Variants in RYK observed in about 807,000 individuals in gnomAD.
RYK encodes receptor like tyrosine kinase, also known as inactive tyrosine-protein kinase RYK.
RYK carries 21 observed loss-of-function variants against 70.2 expected under a neutral mutation model. The ratio of observed to expected loss-of-function variants is 0.30; its 90% CI spans 0.21 to 0.43. RYK has a LOEUF of 0.43. Among genes scored for constraint, RYK ranks in the 20% least tolerant of loss-of-function variants. The probability of loss-of-function intolerance (pLI) is 1.00; values close to 1 mark genes in which losing one functional copy is unlikely to be tolerated. For synonymous variants in RYK, 267 were observed against 278.0 expected (o/e 0.96, Z 0.39); for missense variants, 604 against 753.3 (o/e 0.80, Z 2.32).
At chr3:134,249,925 T>G (rs13085089) in intron 1 of RYK, among the ~76,000 whole-genome samples, 38,955 of 135,498 alleles carry the variant, frequency 0.29, 6,515 homozygotes, top group Middle Eastern at 0.41. Flanking sequence ...TCGTTTTTTT[T>G]TTTTTTTTTT....
At chr3:134,236,304 G>T (rs2015199398) in intron 1 of RYK, among the ~76,000 whole-genome samples, 1 of 151,994 alleles carries the variant, frequency 6.6e-6, no homozygotes, top group Non-Finnish European at 1.5e-5. Context: ...ATAAGAGCTG[G>T]TCCCTCAATG....
At chr3:134,194,786 C>A (rs1230138497) in intron 7 of RYK, among the ~76,000 whole-genome samples, 3 of 152,178 alleles carry the variant, frequency 2.0e-5, no homozygotes, top group Non-Finnish European at 4.4e-5. Flanking sequence ...CCTGAAAAAT[C>A]TTCCTTTTGA....
At chr3:134,250,316 G>A in intron 1 of RYK, 107 bp downstream of exon 1, 3 of 501,634 alleles carry the variant, frequency 6.0e-6, no homozygotes, top group Non-Finnish European at 6.1e-6. Flanking sequence ...CGGGGGGCGG[G>A]GAGGGTACTC....
Position 134,250,564 on chromosome 3 carries a change from G to A in RYK, c.91C>T (p.Leu31Phe), listed in dbSNP as rs2015590224. 1 of 1,089,550 alleles carries A rather than the reference G, an allele frequency of 9.2e-7. No individual in the cohort carries two copies. The highest frequency in any genetic ancestry group is 3.7e-5 in the East Asian group (1 of 26,784). 67.5% of individuals were successfully genotyped at this position (1,089,550 alleles called of 1,614,324 possible). ...AGCAGCGGCAACAGCGCAAGCAGAA[G>A]CAGCAGCGGCGGCGGCGGCGGGGCC... is the stretch of plus-strand genomic sequence containing the variant. ...LRAPPPPPLL[L>F]LLALLPLLPA... Residue 31 changes from leucine (L) to phenylalanine (F), a missense_variant, in exon 1 of 15, where the codon CTT (leucine) becomes TTT (phenylalanine). Physicochemically the swap from Leu to Phe is conservative, Grantham distance 22. Around this residue, in one of 2 missense-constraint regions of RYK, gnomAD observed 466 missense variants for 535.9 expected, o/e 0.87. Coordinates refer to ENST00000623711, the MANE Select transcript of RYK (RefSeq NM_002958.4).
At chr3:134,224,168 G>A (rs1003199405) in intron 1 of RYK, among the ~76,000 whole-genome samples, 2 of 152,174 alleles carry the variant, frequency 1.3e-5, no homozygotes, top group South Asian at 2.1e-4. Flanking sequence ...CCACCAAGAT[G>A]TGGAGACCGG....
At chr3:134,202,342 G>T (rs377723920) in intron 6 of RYK, among the ~76,000 whole-genome samples, 1 of 152,280 alleles carries the variant, frequency 6.6e-6, no homozygotes, top group East Asian at 1.9e-4. Flanking sequence ...ATCAGAGCAG[G>T]TGCTCAATAC....
chr3:134,191,377 A>G (rs2013636031), intron 8 of RYK, among the ~76,000 whole-genome samples: 1 of 152,194 alleles, frequency 6.6e-6, no homozygotes, highest in Non-Finnish European at 1.5e-5. Flanking sequence ...AAATTTATAG[A>G]GGAGGGAACT....
Position 134,228,864 on chromosome 3 carries a change from T to C in RYK, c.233-6325A>G, listed in dbSNP as rs536969190. ...TAGCTAGAAGAGAGGCTTTTCAAGGTTATTATCACAAAGAAATGATAAATG... is the reference window on the plus strand; with the variant it reads ...TAGCTAGAAGAGAGGCTTTTCAAGGCTATTATCACAAAGAAATGATAAATG... On this transcript the variant is annotated intron_variant, in intron 1 of 14. Coordinates refer to ENST00000623711, the MANE Select transcript of RYK (RefSeq NM_002958.4). Among the ~76,000 whole-genome samples the C allele has an allele frequency of 1.1e-3, 165 of 152,266 alleles. 3 individuals carry two copies. Among genetic ancestry groups the C allele is most frequent in the African/African-American group, 3.8e-3 (158 of 41,554 alleles).
At chr3:134,249,916 C>CTTTTTTTTTTTTTTTTTTT (rs1559770716) in intron 1 of RYK, among the ~76,000 whole-genome samples, 1 of 86,596 alleles carries the variant, frequency 1.2e-5, no homozygotes, top group African/African-American at 8.1e-5. Context: ...CTTTCTCTCT[C>CTTTTTTTTTTTTTTTTTTT]GTTTTTTTTT....
chr3:134,216,034 T>TG (rs573519711), intron 2 of RYK, among the ~76,000 whole-genome samples: 1 of 41,154 alleles, frequency 2.4e-5, no homozygotes, highest in Non-Finnish European at 4.1e-5. Context: ...AGACTCAGTC[T>TG]CAAAAAAAAA....
At chr3:134,248,561 G>C (rs1335516503) in intron 1 of RYK, among the ~76,000 whole-genome samples, 1 of 152,232 alleles carries the variant, frequency 6.6e-6, no homozygotes, top group Non-Finnish European at 1.5e-5. Context: ...GCTCACACCT[G>C]TAATCCCAGC....
chr3:134,213,018 G>A (rs915760471), intron 2 of RYK, among the ~76,000 whole-genome samples: 15 of 152,170 alleles, frequency 9.9e-5, no homozygotes, highest in African/African-American at 3.6e-4. Flanking sequence ...GCACATCAGT[G>A]ACTTCGAGGT....
chr3:134,230,796 CATTTAA>C (rs1308581569), intron 1 of RYK, among the ~76,000 whole-genome samples: 9 of 152,042 alleles, frequency 5.9e-5, no homozygotes, highest in African/African-American at 2.2e-4. Flanking sequence ...ACCAAGAGAA[CATTTAA>C]AATCTGTGTA....
At chr3:134,184,412 C>T (rs2013396368) in intron 9 of RYK, among the ~76,000 whole-genome samples, 1 of 151,898 alleles carries the variant, frequency 6.6e-6, no homozygotes, top group South Asian at 2.1e-4. Context: ...GGGACCACGA[C>T]CTTAACAGTA....
At chr3:134,249,960 A>G in intron 1 of RYK, among the ~76,000 whole-genome samples, 1 of 131,516 alleles carries the variant, frequency 7.6e-6, no homozygotes, top group African/African-American at 3.4e-5. Flanking sequence ...GGGTAAGCAC[A>G]GAGCGTGGCC....
At chr3:134,226,044 T>G (rs1054549712) in intron 1 of RYK, among the ~76,000 whole-genome samples, 3 of 152,114 alleles carry the variant, frequency 2.0e-5, no homozygotes, top group African/African-American at 4.8e-5. Flanking sequence ...ACAGGCTACC[T>G]TCCCTGATCA....
At chr3:134,167,813 A>C (rs910202611) in intron 13 of RYK, among the ~76,000 whole-genome samples, 28 of 152,256 alleles carry the variant, frequency 1.8e-4, no homozygotes, top group African/African-American at 6.8e-4. Context: ...ACAGCGAAAG[A>C]AGCTACCGTC....
chr3:134,240,114 T>A (rs1450181607), intron 1 of RYK, among the ~76,000 whole-genome samples: 1 of 152,254 alleles, frequency 6.6e-6, no homozygotes, highest in Non-Finnish European at 1.5e-5. Flanking sequence ...AGATATTTGA[T>A]ATTTATAAAT....
chr3:134,176,139 T>C, intron 11 of RYK, 100 bp from the exon 12 acceptor site: 1 of 732,370 alleles, frequency 1.4e-6, no homozygotes, highest in South Asian at 1.7e-5. Context: ...CCAAAAATAC[T>C]GCTTTAAACC....
Sources: allele counts gnomAD v4.1 joint callset (sites outside exome capture counted in the v4.1 genomes callset), GRCh38; gene constraint gnomAD v4.1.1; regional missense constraint gnomAD v4.1.1; transcripts MANE v1.5; gene names NCBI Gene and HGNC (gene_info 2026-07-23, HGNC 2026-07-21).